The following EPHA6 variants were observed in gnomAD, a reference collection of about 807,000 sequenced individuals.
EPHA6 encodes the protein EPH receptor A6.
EPHA6 carries 50 observed loss-of-function variants against 112.0 expected under a neutral mutation model. The ratio of observed to expected loss-of-function variants is 0.45; its 90% CI spans 0.36 to 0.56. The LOEUF is 0.56. EPHA6 is among the 20% of genes least tolerant of loss of function. EPHA6 has a pLI of 0.00. For missense variants in EPHA6, 1,280 were observed against 1,417.4 expected (o/e 0.90, Z 1.56); for synonymous variants, 529 against 490.7 (o/e 1.08, Z -1.03).
rs995432883 is a variant in EPHA6 at position 97,068,216 on chromosome 3, T to G, written c.1114+80223T>G. 2.6e-5 allele frequency among the ~76,000 whole-genome samples: 4 copies of G among 151,504 alleles called. No individual in the cohort carries two copies. In the East Asian group the frequency reaches 5.9e-4, roughly 22 times the overall value. ...ATAAAGAATCATTTTGGTTTTTGGT[T>G]GTTTAATGGTGGAAAAATTTTACTC... On this transcript the variant is annotated intron_variant, in intron 3 of 17. Transcript: ENST00000389672.
chr3:96,864,990 T>A (rs1002008406), intron 1 of EPHA6, among the ~76,000 whole-genome samples: 1 of 152,040 alleles, frequency 6.6e-6, no homozygotes, highest in African/African-American at 2.4e-5. Flanking sequence ...TGAAATCTTA[T>A]AGTGGGGAAG....
intron 3 of EPHA6, among the ~76,000 whole-genome samples, chr3:97,103,014 G>C (rs2108264392): frequency 6.6e-6 from 1 of 152,028 alleles, no homozygotes; most frequent in Middle Eastern, 3.4e-3. Context: ...GTTTCTTATA[G>C]ATGCTAGATA....
chr3:96,952,632 G>A (rs1228873250), intron 2 of EPHA6, among the ~76,000 whole-genome samples: 4 of 152,112 alleles, frequency 2.6e-5, no homozygotes, highest in African/African-American at 9.7e-5. Context: ...TATTGTTATA[G>A]CAACTGAAAA....
chr3:97,428,945 G>A lies in EPHA6; in HGVS notation c.1732-19623G>A, dbSNP rs140109471. Reference sequence around the variant, plus strand: ...TTAACTCTCTCTTCTCACAGGCATCGGGCCTGTATTATGGTCTGAAAGAGC... The same window carrying A: ...TTAACTCTCTCTTCTCACAGGCATCAGGCCTGTATTATGGTCTGAAAGAGC... On this transcript the variant is annotated intron_variant, in intron 6 of 17. Coordinates refer to ENST00000389672, the MANE Select transcript of EPHA6 (RefSeq NM_001080448.3). Among the ~76,000 whole-genome samples the A allele has an allele frequency of 2.1e-3, 308 of 149,734 alleles. 2 individuals carry two copies. Among genetic ancestry groups the A allele is most frequent in the African/African-American group, 7.4e-3 (290 of 39,240 alleles).
chr3:97,685,800 A>T (rs545329819), intron 14 of EPHA6, among the ~76,000 whole-genome samples: 1 of 152,320 alleles, frequency 6.6e-6, no homozygotes, highest in Non-Finnish European at 1.5e-5. Context: ...TACTTTTAAC[A>T]CATGGTAATA....
intron 5 of EPHA6, among the ~76,000 whole-genome samples, chr3:97,246,376 G>A (rs1285189012): frequency 6.6e-6 from 1 of 151,762 alleles, no homozygotes; most frequent in African/African-American, 2.4e-5. Flanking sequence ...GATTACAAAA[G>A]AGTATATTTA....
At chr3:96,854,964 A>T (rs187505797) in intron 1 of EPHA6, among the ~76,000 whole-genome samples, 1 of 152,270 alleles carries the variant, frequency 6.6e-6, no homozygotes, top group African/African-American at 2.4e-5. Context: ...TCTGACATGG[A>T]TATCCCTAGG....
At chr3:96,954,842 G>A (rs994630879) in intron 2 of EPHA6, among the ~76,000 whole-genome samples, 1 of 135,486 alleles carries the variant, frequency 7.4e-6, no homozygotes, top group South Asian at 2.3e-4. Context: ...GCCGGACTGC[G>A]GACTGCAGTG....
At chr3:97,287,745 C>T (rs1257742978) in intron 5 of EPHA6, among the ~76,000 whole-genome samples, 1 of 152,140 alleles carries the variant, frequency 6.6e-6, no homozygotes, top group Non-Finnish European at 1.5e-5. Flanking sequence ...ACCCTTGCAT[C>T]CCTGGGATGA....
chr3:97,548,623 G>A (rs1240519985), intron 11 of EPHA6, among the ~76,000 whole-genome samples: 2 of 152,072 alleles, frequency 1.3e-5, no homozygotes, highest in Admixed American at 6.6e-5. Flanking sequence ...TCTATACATA[G>A]AATTATGCAA....
At chr3:97,398,588 A>T (rs923620423) in intron 5 of EPHA6, among the ~76,000 whole-genome samples, 1 of 151,460 alleles carries the variant, frequency 6.6e-6, no homozygotes, top group Non-Finnish European at 1.5e-5. Flanking sequence ...TCATTTAAAT[A>T]TTCTTCATTT....
At chr3:96,838,369 T>C (rs190706908) in intron 1 of EPHA6, among the ~76,000 whole-genome samples, 2 of 152,274 alleles carry the variant, frequency 1.3e-5, no homozygotes, top group Non-Finnish European at 2.9e-5. Flanking sequence ...TACACAGGCA[T>C]GTGTCTTTAT....
At chr3:97,007,708 T>C (rs184318637) in intron 3 of EPHA6, among the ~76,000 whole-genome samples, 32 of 152,324 alleles carry the variant, frequency 2.1e-4, no homozygotes, top group Non-Finnish European at 4.6e-4. Flanking sequence ...CTTTGGTCTT[T>C]ATATTTTGGT....
chr3:97,185,312 C>T (rs1350405562), intron 3 of EPHA6, among the ~76,000 whole-genome samples: 1 of 152,070 alleles, frequency 6.6e-6, no homozygotes, highest in African/African-American at 2.4e-5. Context: ...TTGCAATGTA[C>T]TCGTCTGACA....
chr3:97,648,676 T>G lies in EPHA6; in HGVS notation c.2784+10594T>G, dbSNP rs1252317009. 5.7e-6 allele frequency: 6 copies of G among 1,046,632 alleles called. No individual in the cohort carries two copies. The African/African-American group carries it at 6.7e-5, about 12-fold the overall frequency. 64.8% of individuals were successfully genotyped at this position (1,046,632 alleles called of 1,614,324 possible). ...AAACATACTCAGAACTTTCACTCAC[T>G]TTGTCTCTTAAATTAAAGAGTTGGT... On this transcript the variant is annotated intron_variant, in intron 14 of 17. Coordinates refer to ENST00000389672, the MANE Select transcript of EPHA6 (RefSeq NM_001080448.3).
intron 14 of EPHA6, among the ~76,000 whole-genome samples, chr3:97,654,332 A>C (rs889788180): frequency 1.3e-5 from 2 of 151,936 alleles, no homozygotes; most frequent in African/African-American, 2.4e-5. Context: ...TGGATAAGTA[A>C]TTACAATCTG....
intron 3 of EPHA6, among the ~76,000 whole-genome samples, chr3:97,071,928 C>A (rs529330149): frequency 2.0e-5 from 3 of 151,902 alleles, no homozygotes; most frequent in Non-Finnish European, 4.4e-5. Flanking sequence ...GCCTTTGCAC[C>A]CTCATAGCTT....
intron 14 of EPHA6, among the ~76,000 whole-genome samples, chr3:97,695,834 C>A (rs1367168915): frequency 6.6e-6 from 1 of 152,154 alleles, no homozygotes; most frequent in Admixed American, 6.5e-5. Flanking sequence ...CCATCATGCC[C>A]AGCCCAGGTG....
At chr3:97,294,503 A>G (rs150300472) in intron 5 of EPHA6, among the ~76,000 whole-genome samples, 3,010 of 152,328 alleles carry the variant, frequency 0.02, 44 homozygotes, top group Non-Finnish European at 0.031. Flanking sequence ...TAGAAAATTT[A>G]ATCTGTTTAC....
Sources: gnomAD v4.1 joint callset for allele counts (sites outside exome capture counted in the v4.1 genomes callset) on GRCh38, gnomAD v4.1.1 for gene constraint, MANE v1.5 for transcripts, NCBI Gene and HGNC (gene_info 2026-07-23, HGNC 2026-07-21) for gene names.